DHRS12: variants seen among roughly 807,000 people sequenced by gnomAD.
DHRS12 encodes dehydrogenase/reductase SDR family member 12.
A neutral mutation model predicts 32.1 loss-of-function variants in DHRS12; 29 were observed. The ratio of observed to expected loss-of-function variants is 0.90; its 90% CI spans 0.67 to 1.23. The LOEUF (loss-of-function observed/expected upper bound fraction) is 1.23, where lower values mean the gene tolerates loss of function less well. Among genes scored for constraint, DHRS12 ranks in the 50% most tolerant of loss-of-function variants. The pLI is 0.00. For missense variants in DHRS12, 330 were observed against 337.2 expected (o/e 0.98, Z 0.17); for synonymous variants, 150 against 135.9 (o/e 1.10, Z -0.72).
the DHRS12 span, chr13:51,759,941 C>T: frequency 2.7e-5 from 16 of 591,736 alleles, no homozygotes; most frequent in East Asian, 2.8e-4. Context: ...AGTGAGCACT[C>T]GCAAGGGGAC....
downstream of DHRS12, chr13:51,763,497 A>G (rs1386786437): frequency 1.3e-5 from 2 of 152,200 alleles, no homozygotes; most frequent in African/African-American, 4.8e-5. Context: ...ATTTTCTGAG[A>G]TTCATTTTAT....
intron 4 of DHRS12, chr13:51,777,372 G>T: frequency 1.4e-5 from 7 of 496,004 alleles, no homozygotes; most frequent in Non-Finnish European, 2.5e-5. Flanking sequence ...ATACAGGAAG[G>T]GAAAAAGAAA....
At chr13:51,769,888 C>T (rs1004954671) in intron 7 of DHRS12, among the ~76,000 whole-genome samples, 1 of 152,234 alleles carries the variant, frequency 6.6e-6, no homozygotes, top group African/African-American at 2.4e-5. Flanking sequence ...TGTGCCACAG[C>T]GTCGGGCACT....
At chr13:51,797,834 C>A (rs1955577097) in intron 2 of DHRS12, 1 of 1,535,276 alleles carries the variant, frequency 6.5e-7, no homozygotes, top group Admixed American at 2.0e-5. Flanking sequence ...ACCTGGTTAC[C>A]GCTCTCCCGG....
At chr13:51,774,124 G>C in intron 5 of DHRS12, 90 bp from the exon 6 acceptor site, 1 of 1,147,470 alleles carries the variant, frequency 8.7e-7, no homozygotes. Flanking sequence ...TTGCTGTTGT[G>C]ACCAATGACC....
intron 4 of DHRS12, among the ~76,000 whole-genome samples, chr13:51,787,983 C>T (rs1955072872): frequency 1.4e-5 from 2 of 144,920 alleles, no homozygotes; most frequent in African/African-American, 2.6e-5. Context: ...TCACTCGTGG[C>T]CCGGCCGCAG....
downstream of DHRS12, chr13:51,765,994 C>A (rs1309515563): frequency 2.6e-5 from 4 of 151,758 alleles, no homozygotes; most frequent in African/African-American, 7.3e-5. Context: ...CTCGGGGATG[C>A]ATGAGAAGGT....
the DHRS12 span, chr13:51,756,342 G>A: frequency 1.2e-5 from 19 of 1,613,262 alleles, no homozygotes; most frequent in East Asian, 4.5e-5. Flanking sequence ...CACCACTGCC[G>A]CAAGTGTGGG....
chr13:51,771,940 A>G (rs1566275679), intron 6 of DHRS12, 29 bp from the exon 7 acceptor site: 3 of 1,609,288 alleles, frequency 1.9e-6, no homozygotes, highest in Non-Finnish European at 8.5e-7. Flanking sequence ...GGGGGTGAAC[A>G]GGAGAGAGGA....
At chr13:51,801,249 C>T (rs1955739758) in intron 1 of DHRS12, among the ~76,000 whole-genome samples, 1 of 152,144 alleles carries the variant, frequency 6.6e-6, no homozygotes, top group Non-Finnish European at 1.5e-5. Context: ...TGCAGTGGCG[C>T]GATCTCGGCT....
the DHRS12 span, chr13:51,755,569 T>C: frequency 1.9e-5 from 19 of 1,019,200 alleles, no homozygotes; most frequent in Non-Finnish European, 2.5e-5. Context: ...GGGTAAATTA[T>C]TATCCTGGAG....
chr13:51,756,307 T>C, the DHRS12 span: 2 of 1,604,436 alleles, frequency 1.2e-6, no homozygotes, highest in Non-Finnish European at 1.7e-6. Flanking sequence ...CCGTGATGAG[T>C]ATCTATTTTA....
chr13:51,758,196 G>T, the DHRS12 span: 5 of 1,569,398 alleles, frequency 3.2e-6, no homozygotes, highest in Non-Finnish European at 4.4e-6. Flanking sequence ...TTCTAGACGT[G>T]CACCCACAGC....
intron 4 of DHRS12, among the ~76,000 whole-genome samples, chr13:51,785,981 A>G (rs1954936667): frequency 6.6e-6 from 1 of 152,254 alleles, no homozygotes; most frequent in Non-Finnish European, 1.5e-5. Context: ...AGCCTGCAGC[A>G]CAGGGACTGT....
intron 5 of DHRS12, chr13:51,775,936 CTCTACAGTATTCTCCTACATGTAT>C (rs1954337242): frequency 1.9e-4 from 8 of 41,384 alleles, no homozygotes; most frequent in African/African-American, 6.4e-4. Context: ...CCTACATGTA[CTCTACAGTATTCTCCTACATGTAT>C]TCTACAGTAT....
At chr13:51,756,248 C>A in the DHRS12 span, 535 of 1,532,656 alleles carry the variant, frequency 3.5e-4, 2 homozygotes, top group African/African-American at 6.4e-3. Context: ...GTTGATTACA[C>A]CTCTCTGCCA....
chr13:51,758,196 G>A, the DHRS12 span: 1 of 1,569,398 alleles, frequency 6.4e-7, no homozygotes, highest in Non-Finnish European at 8.7e-7. Flanking sequence ...TTCTAGACGT[G>A]CACCCACAGC....
At chr13:51,759,776 T>C in the DHRS12 span, 1 of 1,613,736 alleles carries the variant, frequency 6.2e-7, no homozygotes, top group Non-Finnish European at 8.5e-7. Context: ...TTGATGACTC[T>C]CCCAGGAATC....
At chr13:51,774,065 T>TA in intron 5 of DHRS12, 31 bp from the exon 6 acceptor site, 1 of 1,603,416 alleles carries the variant, frequency 6.2e-7, no homozygotes, top group Non-Finnish European at 8.5e-7. Context: ...ATTTACAAAC[T>TA]AAAGCCTGTG....
Sources: allele counts gnomAD v4.1 joint callset (sites outside exome capture counted in the v4.1 genomes callset), GRCh38; gene constraint gnomAD v4.1.1; transcripts MANE v1.5; gene names NCBI Gene and HGNC (gene_info 2026-07-23, HGNC 2026-07-21).